The following NCKAP5 variants were observed in gnomAD, a reference collection of about 807,000 sequenced individuals.
NCKAP5 encodes nck-associated protein 5.
In NCKAP5, 92 loss-of-function variants were observed where a neutral mutation model predicts 167.0. The observed-to-expected ratio is 0.55, with a 90% CI of 0.47 to 0.66. The LOEUF (loss-of-function observed/expected upper bound fraction) is 0.66, where lower values mean the gene tolerates loss of function less well. Among genes scored for constraint, NCKAP5 ranks in the 30% least tolerant of loss-of-function variants. The pLI, the probability that NCKAP5 is intolerant of heterozygous loss-of-function variation, is 0.00. For missense variants in NCKAP5, 2,378 were observed against 2,315.0 expected (o/e 1.03, Z -0.56); for synonymous variants, 891 against 877.4 (o/e 1.02, Z -0.27).
intron 5 of NCKAP5, among the ~76,000 whole-genome samples, chr2:133,147,987 T>C (rs1298137669): frequency 6.6e-6 from 1 of 152,062 alleles, no homozygotes; most frequent in Non-Finnish European, 1.5e-5. Flanking sequence ...CTGAAAACCA[T>C]AAAGCTTTTA....
intron 3 of NCKAP5, among the ~76,000 whole-genome samples, chr2:133,477,266 T>C (rs1680003177): frequency 6.6e-6 from 1 of 152,232 alleles, no homozygotes; most frequent in African/African-American, 2.4e-5. Context: ...TCATCAGAGC[T>C]GGTTGCTCCT....
intron 3 of NCKAP5, among the ~76,000 whole-genome samples, chr2:133,314,344 C>G (rs191041102): frequency 6.6e-6 from 1 of 152,254 alleles, no homozygotes; most frequent in East Asian, 1.9e-4. Context: ...CTTATGGCTC[C>G]CATCTGTTCA....
intron 8 of NCKAP5, among the ~76,000 whole-genome samples, chr2:132,962,659 T>C (rs570016147): frequency 2.4e-4 from 36 of 152,132 alleles, no homozygotes; most frequent in Non-Finnish European, 3.7e-4. Context: ...GGCGCAATCT[T>C]GGCTCACTGC....
the NCKAP5 span, among the ~76,000 whole-genome samples, chr2:133,631,605 T>G: frequency 6.6e-6 from 1 of 152,240 alleles, no homozygotes; most frequent in African/African-American, 2.4e-5. Context: ...CCTAATCTTC[T>G]CACGTGACAT....
At chr2:133,123,913 G>T (rs1559162597) in intron 6 of NCKAP5, 1 of 398,196 alleles carries the variant, frequency 2.5e-6, no homozygotes. Flanking sequence ...TCTATGCCAG[G>T]TGCCTACAGT....
chr2:132,721,596 T>C (rs1689936691), intron 19 of NCKAP5, among the ~76,000 whole-genome samples: 2 of 152,228 alleles, frequency 1.3e-5, no homozygotes, highest in African/African-American at 4.8e-5. Context: ...CCTGTTATTG[T>C]CTTTCTCCTG....
intron 5 of NCKAP5, among the ~76,000 whole-genome samples, chr2:133,135,454 T>A (rs2082756598): frequency 6.6e-6 from 1 of 152,014 alleles, no homozygotes; most frequent in Admixed American, 6.6e-5. Flanking sequence ...CATGACAGAT[T>A]TGGGACTGTA....
rs1470642700 is a variant in NCKAP5, at chr2:132,785,028, T to A, written c.1783A>T (p.Ser595Cys). 2 of 1,613,872 alleles carry A rather than the reference T, an allele frequency of 1.2e-6. No homozygotes were observed. The highest frequency in any genetic ancestry group is 1.7e-6 in the Non-Finnish European group (2 of 1,179,876). The change falls in exon 14 of 20, where the codon AGC becomes TGC. Residue 595 changes from serine to cysteine, a missense_variant. Physicochemically the swap from Ser to Cys is moderately radical, Grantham distance 112 (BLOSUM62 -1). Around this residue, in one of 3 missense-constraint regions of NCKAP5, gnomAD observed 1,049 missense variants for 1,023.4 expected, o/e 1.02. Transcript: ENST00000409261. ...TCTGAAGGACTTTTCTCATCACTGC[T>A]CTCTATGTGCAGCTCATCAAACGTT... ...NETFDELHIESSDEKSPSDVS... is the reference protein window; with the variant it reads ...NETFDELHIECSDEKSPSDVS...
At chr2:133,647,969 T>C in the NCKAP5 span, among the ~76,000 whole-genome samples, 1 of 151,878 alleles carries the variant, frequency 6.6e-6, no homozygotes, top group Non-Finnish European at 1.5e-5. Context: ...CAAAATAAGA[T>C]CCAACTAAAT....
At chr2:133,084,834 C>G (rs1162902885) in intron 6 of NCKAP5, among the ~76,000 whole-genome samples, 2 of 152,116 alleles carry the variant, frequency 1.3e-5, no homozygotes, top group Non-Finnish European at 1.5e-5. Context: ...TCAAAAATTT[C>G]AAATCGTTTT....
intron 3 of NCKAP5, among the ~76,000 whole-genome samples, chr2:133,484,515 G>A (rs1260647707): frequency 6.6e-6 from 1 of 152,086 alleles, no homozygotes; most frequent in East Asian, 1.9e-4. Context: ...AGAACAACAT[G>A]ACAAGATGGA....
intron 19 of NCKAP5, among the ~76,000 whole-genome samples, chr2:132,721,324 G>C (rs577652324): frequency 9.9e-5 from 14 of 141,186 alleles, no homozygotes; most frequent in Non-Finnish European, 2.0e-4. Flanking sequence ...CAAAAGAAAA[G>C]AAAAAAAGAA....
At chr2:133,419,242 T>C (rs1388602806) in intron 3 of NCKAP5, among the ~76,000 whole-genome samples, 3 of 152,108 alleles carry the variant, frequency 2.0e-5, no homozygotes, top group South Asian at 2.1e-4. Context: ...AAATAAGAAA[T>C]AGATGGTCCA....
At chr2:133,057,258 C>A (rs972990489) in intron 6 of NCKAP5, among the ~76,000 whole-genome samples, 2 of 152,184 alleles carry the variant, frequency 1.3e-5, no homozygotes, top group African/African-American at 4.8e-5. Context: ...AATAACCCTA[C>A]AATAGCCTCT....
the NCKAP5 span, among the ~76,000 whole-genome samples, chr2:133,632,906 C>A: frequency 6.6e-6 from 1 of 152,212 alleles, no homozygotes; most frequent in East Asian, 1.9e-4. Context: ...CCATTTAGGT[C>A]CCTTGCATAT....
At chr2:132,804,409 C>T (rs1347860204) in intron 11 of NCKAP5, among the ~76,000 whole-genome samples, 1 of 151,784 alleles carries the variant, frequency 6.6e-6, no homozygotes, top group African/African-American at 2.4e-5. Context: ...CAATTGCCCC[C>T]GCTGTTTTGT....
At chr2:132,887,354 TCC>T (rs1692325338) in intron 8 of NCKAP5, among the ~76,000 whole-genome samples, 4 of 115,304 alleles carry the variant, frequency 3.5e-5, no homozygotes, top group Admixed American at 9.1e-5. Flanking sequence ...TATCTATCCA[TCC>T]ATCCATCTTT....
rs1434354106 is a variant in NCKAP5, at chr2:132,785,240, C to A, written c.1571G>T (p.Gly524Val). 6.4e-7 allele frequency: 1 copy of A among 1,569,918 alleles called. No homozygotes were observed. The highest frequency in any genetic ancestry group is 8.6e-7 in the Non-Finnish European group (1 of 1,159,168). Residue 524 changes from glycine to valine, a missense_variant, in exon 14 of 20, where the codon GGC becomes GTC. By Grantham distance (109) the Gly-to-Val change is moderately radical. Coordinates refer to ENST00000409261, the MANE Select transcript of NCKAP5 (RefSeq NM_207363.3). ...WETNRKHFLE[G>V]TSSVYPKERP... is the part of the protein sequence containing the mutation. ...TTCCTTGGGATAAACTGAGGATGTG[C>A]CTTCCAGAAAGTGTTTTCTGTTTGT...
At chr2:133,204,012 C>A (rs1052443337) in intron 5 of NCKAP5, among the ~76,000 whole-genome samples, 1 of 152,136 alleles carries the variant, frequency 6.6e-6, no homozygotes, top group African/African-American at 2.4e-5. Context: ...GAAGTTATTG[C>A]TTTTTACAAT....
Sources: allele counts gnomAD v4.1 joint callset (sites outside exome capture counted in the v4.1 genomes callset), GRCh38; gene constraint gnomAD v4.1.1; regional missense constraint gnomAD v4.1.1; transcripts MANE v1.5; gene names NCBI Gene and HGNC (gene_info 2026-07-23, HGNC 2026-07-21).